The following RANBP2 variants were observed in gnomAD, a reference collection of about 807,000 sequenced individuals.
RANBP2 encodes E3 SUMO-protein ligase RanBP2.
A neutral mutation model predicts 303.6 loss-of-function variants in RANBP2; 57 were observed. The ratio of observed to expected loss-of-function variants is 0.19; its 90% CI spans 0.15 to 0.23. The LOEUF (loss-of-function observed/expected upper bound fraction) is 0.23. RANBP2 is among the 10% of genes least tolerant of loss of function. The pLI is 1.00. For synonymous variants in RANBP2, 1,167 were observed against 1,301.5 expected (o/e 0.90, Z 2.23); for missense variants, 3,138 against 3,780.8 (o/e 0.83, Z 4.46).
the RANBP2 span, among the ~76,000 whole-genome samples, chr2:109,358,594 T>G: frequency 3.3e-5 from 5 of 152,356 alleles, no homozygotes; most frequent in South Asian, 1.0e-3. Context: ...GTGAAGTGTC[T>G]TCTTTGGTGA....
chr2:109,235,310 C>G, the RANBP2 span, among the ~76,000 whole-genome samples: 4 of 152,194 alleles, frequency 2.6e-5, no homozygotes, highest in Admixed American at 2.0e-4. Context: ...TCCCCTCCCC[C>G]TTCCTACCTC....
chr2:109,311,497 A>G, the RANBP2 span, among the ~76,000 whole-genome samples: 1 of 150,590 alleles, frequency 6.6e-6, no homozygotes, highest in African/African-American at 2.5e-5. Context: ...GGCCAGGGCA[A>G]TTAGTCAGGA....
the RANBP2 span, among the ~76,000 whole-genome samples, chr2:109,325,430 C>T: frequency 7.0e-6 from 1 of 142,242 alleles, no homozygotes; most frequent in South Asian, 2.3e-4. Context: ...TAATCTCAAA[C>T]CCTGGGCTCT....
chr2:109,026,357 A>G, the RANBP2 span, among the ~76,000 whole-genome samples: 2 of 138,804 alleles, frequency 1.4e-5, no homozygotes, highest in Non-Finnish European at 1.5e-5. Context: ...CTGAACTCCT[A>G]GGCTCAAGCG....
At chr2:108,824,043 C>T in the RANBP2 span, among the ~76,000 whole-genome samples, 2 of 151,966 alleles carry the variant, frequency 1.3e-5, no homozygotes, top group East Asian at 3.9e-4. Flanking sequence ...GGAGCTTGTA[C>T]GACTAGAAGT....
At chr2:108,976,635 C>T in the RANBP2 span, among the ~76,000 whole-genome samples, 12 of 152,128 alleles carry the variant, frequency 7.9e-5, no homozygotes, top group Admixed American at 3.3e-4. Context: ...TTTGTCCATC[C>T]GTCCATTATT....
the RANBP2 span, among the ~76,000 whole-genome samples, chr2:108,986,715 T>A: frequency 6.6e-6 from 1 of 152,228 alleles, no homozygotes; most frequent in Non-Finnish European, 1.5e-5. Flanking sequence ...CAGCAGAGGT[T>A]AAATGATTAG....
At chr2:109,185,750 G>A in the RANBP2 span, among the ~76,000 whole-genome samples, 36 of 152,326 alleles carry the variant, frequency 2.4e-4, no homozygotes, top group African/African-American at 8.7e-4. Context: ...AACTCATCCA[G>A]GATTTTATAT....
At chr2:109,591,506 T>C in the RANBP2 span, among the ~76,000 whole-genome samples, 1 of 152,120 alleles carries the variant, frequency 6.6e-6, no homozygotes, top group African/African-American at 2.4e-5. Flanking sequence ...GTGAGGAAGA[T>C]GGAATAGACT....
chr2:109,635,044 A>C, the RANBP2 span, among the ~76,000 whole-genome samples: 1 of 152,148 alleles, frequency 6.6e-6, no homozygotes, highest in Non-Finnish European at 1.5e-5. Flanking sequence ...ATTTTCTGTA[A>C]ATTGTAAAAA....
At chr2:109,671,228 C>T in the RANBP2 span, among the ~76,000 whole-genome samples, 1 of 152,180 alleles carries the variant, frequency 6.6e-6, no homozygotes, top group African/African-American at 2.4e-5. Context: ...GCTTGCCTCG[C>T]TGTGAGTTGG....
chr2:109,475,097 C>T, the RANBP2 span, among the ~76,000 whole-genome samples: 2 of 152,168 alleles, frequency 1.3e-5, no homozygotes, highest in Admixed American at 6.5e-5. Context: ...CCTGCCTCAG[C>T]CTCTTGAGTG....
chr2:108,844,307 G>A, the RANBP2 span, among the ~76,000 whole-genome samples: 1 of 152,066 alleles, frequency 6.6e-6, no homozygotes, highest in African/African-American at 2.4e-5. Flanking sequence ...GGTGTTTTCT[G>A]TTGTTTTATT....
rs565685021 is a variant in RANBP2 at position 108,750,941 on chromosome 2, G to A, written c.1274-323G>A. 2.2e-4 allele frequency among the ~76,000 whole-genome samples: 33 copies of A among 152,116 alleles called. 1 individual carries two copies. In the East Asian group the frequency reaches 5.2e-3, roughly 24 times the overall value. ...CTTAAAGGAAAACCCATCGTTTTGG[G>A]GTTTCTTATTAGGTTAGGTGTTCTT... On this transcript the variant is annotated intron_variant, in intron 9 of 28. Coordinates refer to ENST00000283195, the MANE Select transcript of RANBP2 (RefSeq NM_006267.5).
At chr2:109,417,078 T>C in the RANBP2 span, among the ~76,000 whole-genome samples, 2 of 152,090 alleles carry the variant, frequency 1.3e-5, no homozygotes, top group African/African-American at 4.8e-5. Flanking sequence ...AATTGCTTGG[T>C]AACTATTTGA....
At chr2:108,842,200 A>C in the RANBP2 span, among the ~76,000 whole-genome samples, 16 of 91,492 alleles carry the variant, frequency 1.7e-4, no homozygotes, top group African/African-American at 4.6e-4. Flanking sequence ...GCTAATTAAA[A>C]AGTTTTTTTT....
the RANBP2 span, among the ~76,000 whole-genome samples, chr2:108,808,943 G>A: frequency 6.6e-6 from 1 of 152,092 alleles, no homozygotes; most frequent in Non-Finnish European, 1.5e-5. Flanking sequence ...TAGTTGCATA[G>A]TTTTGGGTCT....
chr2:109,533,994 G>A, the RANBP2 span, among the ~76,000 whole-genome samples: 1 of 152,196 alleles, frequency 6.6e-6, no homozygotes, highest in African/African-American at 2.4e-5. Flanking sequence ...GGAGCCCAGG[G>A]CAGCGCTGCA....
chr2:109,614,094 G>A, the RANBP2 span: 1 of 1,210,660 alleles, frequency 8.3e-7, no homozygotes, highest in Non-Finnish European at 1.0e-6. Flanking sequence ...CCTGAGGACT[G>A]AGCGTCAGCG....
Sources: gnomAD v4.1 joint callset for allele counts (sites outside exome capture counted in the v4.1 genomes callset) on GRCh38, gnomAD v4.1.1 for gene constraint, MANE v1.5 for transcripts, NCBI Gene and HGNC (gene_info 2026-07-23, HGNC 2026-07-21) for gene names.